Variants in RABGAP1 observed in about 807,000 individuals in gnomAD.
RABGAP1 encodes the protein RAB GTPase activating protein 1.
Under a neutral mutation model 137.6 loss-of-function variants are expected in RABGAP1, and 23 were observed. The observed-to-expected ratio is 0.17, with a 90% CI of 0.12 to 0.24. RABGAP1 has a LOEUF of 0.24. Among genes scored for constraint, RABGAP1 ranks in the 10% least tolerant of loss-of-function variants. The pLI, the probability that RABGAP1 is intolerant of heterozygous loss-of-function variation, is 1.00. For synonymous variants in RABGAP1, 451 were observed against 450.7 expected, an observed-to-expected ratio of 1.00 and a Z score of -0.01; for missense variants, 906 against 1,275.8, an observed-to-expected ratio of 0.71 and a Z score of 4.42.
intron 10 of RABGAP1, among the ~76,000 whole-genome samples, chr9:123,003,780 C>A (rs1564124512): frequency 6.6e-6 from 1 of 152,134 alleles, no homozygotes; most frequent in East Asian, 1.9e-4. Context: ...ATACTACTTA[C>A]TGAAAGAGCA....
intron 13 of RABGAP1, among the ~76,000 whole-genome samples, chr9:123,047,498 T>A (rs894498453): frequency 9.2e-5 from 14 of 152,186 alleles, no homozygotes; most frequent in African/African-American, 3.1e-4. Flanking sequence ...TGGGATTATT[T>A]CCTATGTGCT....
chr9:123,019,847 G>C lies in RABGAP1; in HGVS notation c.1644-462G>C, dbSNP rs145626791. Among the ~76,000 whole-genome samples, 17 of 152,138 alleles carry C rather than the reference G, an allele frequency of 1.1e-4. No homozygotes were observed. In the East Asian group the frequency reaches 2.9e-3, roughly 26 times the overall value. On this transcript the variant is annotated intron_variant, in intron 12 of 25. Transcript: ENST00000373647. ...TGGAATTACAGGCATGCGCCACCAT[G>C]ATGGGCTAATTTTTTGTATTTAGAT...
intron 13 of RABGAP1, among the ~76,000 whole-genome samples, chr9:123,046,572 G>T (rs1262808540): frequency 2.0e-5 from 3 of 152,174 alleles, no homozygotes; most frequent in African/African-American, 7.2e-5. Flanking sequence ...CTTAACTAAT[G>T]ACACTGTCTC....
upstream of RABGAP1, chr9:122,938,458 CACTT>C (rs1833425591): frequency 6.6e-6 from 1 of 152,180 alleles, no homozygotes; most frequent in Non-Finnish European, 1.5e-5. Context: ...GGTACAAAGT[CACTT>C]ACTGAAAAAA....
intron 19 of RABGAP1, among the ~76,000 whole-genome samples, chr9:123,080,266 C>T (rs2034665397): frequency 6.6e-6 from 1 of 152,064 alleles, no homozygotes; most frequent in Admixed American, 6.5e-5. Flanking sequence ...ATATTTTGTG[C>T]TTAGATATAT....
At position 123,010,373 on chromosome 9, in the gene RABGAP1, A is replaced by G. The variant is rs1158441776; in HGVS notation, c.1394A>G (p.Lys465Arg). ...KLKQIKQRERKNNTDTLYEVV... is the reference protein window; with the variant it reads ...KLKQIKQRERRNNTDTLYEVV... ...TTCAAGATAAAGCAAAGGGAGAGAA[A>G]GAATAATACTGACACTTTATATGAA... Residue 465 changes from lysine to arginine, a missense_variant, in exon 11 of 26, where the codon AAG (lysine) becomes AGG (arginine). By Grantham distance (26) the Lys-to-Arg change is conservative. Coordinates refer to ENST00000373647, the MANE Select transcript of RABGAP1 (RefSeq NM_012197.4). 1.1e-5 allele frequency: 18 copies of G among 1,610,374 alleles called. No individual in the cohort carries two copies. The highest frequency in any genetic ancestry group is 2.2e-5 in the East Asian group (1 of 44,850).
intron 14 of RABGAP1, among the ~76,000 whole-genome samples, chr9:123,067,957 A>T (rs2034231322): frequency 6.6e-6 from 1 of 152,202 alleles, no homozygotes; most frequent in African/African-American, 2.4e-5. Context: ...TGTGCTGAGC[A>T]TGTTAAATGA....
At chr9:123,042,205 T>C (rs187680237) in intron 13 of RABGAP1, among the ~76,000 whole-genome samples, 1 of 152,298 alleles carries the variant, frequency 6.6e-6, no homozygotes, top group East Asian at 1.9e-4. Flanking sequence ...GGGCTGACAT[T>C]TGAGGGCTCA....
intron 10 of RABGAP1, among the ~76,000 whole-genome samples, chr9:123,006,467 T>C (rs1346990888): frequency 6.6e-6 from 1 of 152,230 alleles, no homozygotes; most frequent in Non-Finnish European, 1.5e-5. Flanking sequence ...ACTATTAACT[T>C]TTCTACCCAG....
intron 2 of RABGAP1, among the ~76,000 whole-genome samples, chr9:122,970,420 G>A (rs1397571239): frequency 6.6e-6 from 1 of 152,086 alleles, no homozygotes; most frequent in Non-Finnish European, 1.5e-5. Context: ...AGTTCAGCCT[G>A]GGCAACATAG....
At chr9:122,981,769 C>G (rs754407494) in intron 2 of RABGAP1, among the ~76,000 whole-genome samples, 2 of 152,154 alleles carry the variant, frequency 1.3e-5, no homozygotes, top group African/African-American at 2.4e-5. Flanking sequence ...AGTATGCAGG[C>G]CGGGTGTAGT....
intron 20 of RABGAP1, 39 bp from the exon 21 acceptor site, chr9:123,090,236 T>C: frequency 6.7e-7 from 1 of 1,490,960 alleles, no homozygotes; most frequent in Non-Finnish European, 9.2e-7. Flanking sequence ...TTCCATCTGA[T>C]TTTTATGTGT....
chr9:123,101,946 T>C (rs1459488964), intron 25 of RABGAP1, among the ~76,000 whole-genome samples, 183 bp downstream of exon 25: 1 of 152,208 alleles, frequency 6.6e-6, no homozygotes, highest in Non-Finnish European at 1.5e-5. Flanking sequence ...GTATTTGGCC[T>C]GTCTTGAGGA....
the RABGAP1 span, among the ~76,000 whole-genome samples, chr9:122,935,048 T>C: frequency 6.6e-6 from 1 of 152,258 alleles, no homozygotes; most frequent in Non-Finnish European, 1.5e-5. Flanking sequence ...GTGTTTTATA[T>C]GCTTTTTAAA....
chr9:122,986,925 C>T (rs1802375329), intron 4 of RABGAP1, among the ~76,000 whole-genome samples: 5 of 151,988 alleles, frequency 3.3e-5, no homozygotes, highest in South Asian at 2.1e-4. Flanking sequence ...TTCAGGGGTT[C>T]GAGACCAGCC....
intron 13 of RABGAP1, among the ~76,000 whole-genome samples, chr9:123,043,537 A>G (rs1388761818): frequency 6.6e-6 from 1 of 151,942 alleles, no homozygotes; most frequent in Non-Finnish European, 1.5e-5. Context: ...AGATCATGAC[A>G]TACTCTGATT....
At chr9:123,041,187 T>C (rs2032934709) in intron 13 of RABGAP1, among the ~76,000 whole-genome samples, 1 of 152,222 alleles carries the variant, frequency 6.6e-6, no homozygotes, top group Non-Finnish European at 1.5e-5. Context: ...CTGTAAGAGC[T>C]AGTGACTGTT....
At chr9:123,013,142 T>C (rs2030950070) in intron 11 of RABGAP1, among the ~76,000 whole-genome samples, 1 of 152,158 alleles carries the variant, frequency 6.6e-6, no homozygotes, top group Non-Finnish European at 1.5e-5. Flanking sequence ...GTAAGAAAAG[T>C]TTTTCTAATA....
intron 16 of RABGAP1, 124 bp downstream of exon 16, chr9:123,073,801 C>A: frequency 7.9e-7 from 1 of 1,272,398 alleles, no homozygotes; most frequent in South Asian, 1.3e-5. Context: ...GGATGGGTTT[C>A]ATTTTTATCC....
Sources: allele counts gnomAD v4.1 joint callset (sites outside exome capture counted in the v4.1 genomes callset), GRCh38; gene constraint gnomAD v4.1.1; transcripts MANE v1.5; gene names NCBI Gene and HGNC (gene_info 2026-07-23, HGNC 2026-07-21).